ZCWPW2: variants seen among roughly 807,000 people sequenced by gnomAD.
ZCWPW2 encodes the protein zinc finger CW-type and PWWP domain containing 2, also known as zinc finger CW-type PWWP domain protein 2.
ZCWPW2 carries 45 observed loss-of-function variants against 46.6 expected under a neutral mutation model. The observed-to-expected ratio is 0.96, with a 90% CI of 0.76 to 1.24. The LOEUF is 1.24. ZCWPW2 is among the 50% of genes most tolerant of loss of function. The probability of loss-of-function intolerance (pLI) is 0.00; values close to 1 mark genes in which losing one functional copy is unlikely to be tolerated. For synonymous variants in ZCWPW2, 152 were observed against 137.1 expected (o/e 1.11, Z -0.76); for missense variants, 429 against 403.9 (o/e 1.06, Z -0.53).
chr3:28,438,625 A>C (rs920099740), intron 4 of ZCWPW2, among the ~76,000 whole-genome samples: 5 of 152,214 alleles, frequency 3.3e-5, no homozygotes, highest in Non-Finnish European at 7.3e-5. Flanking sequence ...TTCAACAAAA[A>C]TTCATAAGAC....
At chr3:28,433,048 A>G (rs1009709248) in intron 3 of ZCWPW2, among the ~76,000 whole-genome samples, 1 of 152,082 alleles carries the variant, frequency 6.6e-6, no homozygotes, top group African/African-American at 2.4e-5. Flanking sequence ...AGAGAAAACC[A>G]GAGATCATAT....
intron 4 of ZCWPW2, among the ~76,000 whole-genome samples, chr3:28,448,398 G>C (rs746582396): frequency 2.6e-5 from 4 of 152,058 alleles, no homozygotes; most frequent in Non-Finnish European, 5.9e-5. Flanking sequence ...CTTGTACAAT[G>C]AAAACTACAA....
At chr3:28,426,501 A>G (rs1697019103) in intron 3 of ZCWPW2, among the ~76,000 whole-genome samples, 1 of 152,210 alleles carries the variant, frequency 6.6e-6, no homozygotes, top group African/African-American at 2.4e-5. Context: ...TATGGCTTTA[A>G]GTTAACAAAG....
At chr3:28,379,339 G>T (rs1559479990) in intron 1 of ZCWPW2, among the ~76,000 whole-genome samples, 1 of 151,992 alleles carries the variant, frequency 6.6e-6, no homozygotes, top group Non-Finnish European at 1.5e-5. Flanking sequence ...ATCACTGAGG[G>T]GATGCAAGAG....
intron 1 of ZCWPW2, among the ~76,000 whole-genome samples, chr3:28,367,969 C>T (rs949345830): frequency 4.6e-5 from 7 of 152,002 alleles, no homozygotes; most frequent in Non-Finnish European, 7.4e-5. Context: ...GCTTGCAACC[C>T]CTGCCTTTTT....
At chr3:28,425,573 C>T (rs1696972021) in intron 3 of ZCWPW2, among the ~76,000 whole-genome samples, 1 of 152,138 alleles carries the variant, frequency 6.6e-6, no homozygotes, top group African/African-American at 2.4e-5. Flanking sequence ...TTCTAAGGCT[C>T]AGAAACTCAA....
At chr3:28,512,214 G>A (rs1032852138) in intron 6 of ZCWPW2, among the ~76,000 whole-genome samples, 6 of 149,882 alleles carry the variant, frequency 4.0e-5, no homozygotes, top group Middle Eastern at 6.9e-3. Flanking sequence ...ATCTTGCTCT[G>A]TCACCCAGGC....
At chr3:28,459,113 G>A (rs553338906) in intron 4 of ZCWPW2, among the ~76,000 whole-genome samples, 20 of 152,278 alleles carry the variant, frequency 1.3e-4, no homozygotes, top group African/African-American at 4.3e-4. Flanking sequence ...GCTCATGCCT[G>A]TAATCCCAGC....
At chr3:28,380,934 G>A (rs534918882) in intron 1 of ZCWPW2, among the ~76,000 whole-genome samples, 1 of 13,436 alleles carries the variant, frequency 7.4e-5, no homozygotes, top group African/African-American at 3.2e-4. Context: ...TATATATTTG[G>A]TATATATATA....
chr3:28,488,735 G>T (rs1699694277), intron 5 of ZCWPW2, among the ~76,000 whole-genome samples: 1 of 152,116 alleles, frequency 6.6e-6, no homozygotes, highest in East Asian at 1.9e-4. Flanking sequence ...TAGCTCAAAG[G>T]AGGAGTGAAG....
chr3:28,368,080 G>A (rs891112815), intron 1 of ZCWPW2, among the ~76,000 whole-genome samples: 2 of 152,208 alleles, frequency 1.3e-5, no homozygotes, highest in Middle Eastern at 3.4e-3. Flanking sequence ...GCATACTGAT[G>A]GGTCTTGCGT....
At chr3:28,509,523 T>A (rs951229746) in intron 6 of ZCWPW2, among the ~76,000 whole-genome samples, 1 of 152,180 alleles carries the variant, frequency 6.6e-6, no homozygotes, top group African/African-American at 2.4e-5. Context: ...ATATTAGCTA[T>A]CCTAGTGGGT....
At chr3:28,510,457 C>T (rs541120206) in intron 6 of ZCWPW2, among the ~76,000 whole-genome samples, 3 of 152,174 alleles carry the variant, frequency 2.0e-5, no homozygotes, top group East Asian at 3.9e-4. Flanking sequence ...ACTCCATTAC[C>T]AATTTGTCTT....
intron 1 of ZCWPW2, among the ~76,000 whole-genome samples, chr3:28,354,257 G>A (rs1391202932): frequency 6.6e-6 from 1 of 151,748 alleles, no homozygotes; most frequent in Non-Finnish European, 1.5e-5. Flanking sequence ...AAATCTAGAA[G>A]AAATGGATAA....
chr3:28,499,484 T>C (rs1257750858), intron 6 of ZCWPW2, among the ~76,000 whole-genome samples: 1 of 152,176 alleles, frequency 6.6e-6, no homozygotes, highest in African/African-American at 2.4e-5. Flanking sequence ...CCACCACTTT[T>C]TGATGTGGTT....
intron 5 of ZCWPW2, among the ~76,000 whole-genome samples, chr3:28,479,361 A>G (rs1575184228): frequency 6.6e-6 from 1 of 152,328 alleles, no homozygotes; most frequent in South Asian, 2.1e-4. Flanking sequence ...TCAGGGCAGG[A>G]ATAGAAGAAA....
chr3:28,410,506 C>G (rs1296900153), intron 2 of ZCWPW2, among the ~76,000 whole-genome samples: 3 of 151,964 alleles, frequency 2.0e-5, no homozygotes, highest in African/African-American at 4.8e-5. Flanking sequence ...CAATATCACA[C>G]AGATTATATT....
intron 4 of ZCWPW2, among the ~76,000 whole-genome samples, chr3:28,449,911 C>T (rs1311798861): frequency 6.6e-6 from 1 of 152,096 alleles, no homozygotes; most frequent in African/African-American, 2.4e-5. Context: ...TGATAGATTA[C>T]ATGATTTAGT....
At chr3:28,425,114 T>C (rs1696955964) in intron 3 of ZCWPW2, among the ~76,000 whole-genome samples, 2 of 152,214 alleles carry the variant, frequency 1.3e-5, no homozygotes, top group South Asian at 4.1e-4. Context: ...TGCTAGTCGC[T>C]GAGGCTTAAG....
Sources: gnomAD v4.1 joint callset for allele counts (sites outside exome capture counted in the v4.1 genomes callset) on GRCh38, gnomAD v4.1.1 for gene constraint, MANE v1.5 for transcripts, NCBI Gene and HGNC (gene_info 2026-07-23, HGNC 2026-07-21) for gene names.